Variants in TCF12 observed in about 807,000 individuals in gnomAD.
The protein encoded by TCF12 is DNA-binding protein HTF4.
A neutral mutation model predicts 86.0 loss-of-function variants in TCF12; 45 were observed. That is an observed-to-expected ratio of 0.52 (90% CI 0.41 to 0.67). TCF12 has a LOEUF of 0.67. TCF12 is among the 30% of genes least tolerant of loss of function. The pLI, the probability that TCF12 is intolerant of heterozygous loss-of-function variation, is 0.00. For missense variants in TCF12, 881 were observed against 859.9 expected (o/e 1.02, Z -0.31); for synonymous variants, 330 against 299.6 (o/e 1.10, Z -1.05).
At chr15:57,200,653 A>C (rs2151758206) in intron 8 of TCF12, among the ~76,000 whole-genome samples, 1 of 152,356 alleles carries the variant, frequency 6.6e-6, no homozygotes, top group East Asian at 1.9e-4. Context: ...ACAAAAAATA[A>C]TAGGCAGGGT....
intron 3 of TCF12, among the ~76,000 whole-genome samples, chr15:57,007,071 T>C (rs1392807549): frequency 6.6e-6 from 1 of 152,198 alleles, no homozygotes. Flanking sequence ...ATGAAATGTT[T>C]TAAAGATCTT....
intron 5 of TCF12, chr15:57,118,277 C>G (rs751025773): frequency 2.6e-5 from 4 of 152,168 alleles, no homozygotes; most frequent in Non-Finnish European, 5.9e-5. Flanking sequence ...GGCAGTGATT[C>G]ATTAGGAAAG....
chr15:57,250,656 G>A (rs547485528), intron 13 of TCF12, among the ~76,000 whole-genome samples: 1 of 152,158 alleles, frequency 6.6e-6, no homozygotes, highest in South Asian at 2.1e-4. Flanking sequence ...TTGAACCTGG[G>A]AGGTAGAGGT....
intron 7 of TCF12, among the ~76,000 whole-genome samples, chr15:57,195,846 A>AT (rs1362628021): frequency 6.6e-6 from 1 of 152,018 alleles, no homozygotes; most frequent in African/African-American, 2.4e-5. Context: ...TACAAACGAA[A>AT]TTTTTTTAAT....
At chr15:57,098,048 G>C (rs893583319) in intron 5 of TCF12, among the ~76,000 whole-genome samples, 13 of 141,040 alleles carry the variant, frequency 9.2e-5, no homozygotes, top group African/African-American at 3.5e-4. Flanking sequence ...AGTCAGGCAT[G>C]ATGGCACATG....
At chr15:57,178,101 G>GA (rs2056084583) in intron 6 of TCF12, among the ~76,000 whole-genome samples, 1 of 152,034 alleles carries the variant, frequency 6.6e-6, no homozygotes. Context: ...TCTCAAAACA[G>GA]AAAAAAGAGG....
intron 5 of TCF12, among the ~76,000 whole-genome samples, chr15:57,128,843 G>T (rs2051881027): frequency 6.6e-6 from 1 of 152,148 alleles, no homozygotes; most frequent in Non-Finnish European, 1.5e-5. Flanking sequence ...ATTCATCTGT[G>T]TTATGTTACA....
At chr15:57,269,886 C>T (rs865962473) in intron 18 of TCF12, among the ~76,000 whole-genome samples, 2 of 152,264 alleles carry the variant, frequency 1.3e-5, no homozygotes, top group Admixed American at 6.5e-5. Flanking sequence ...ATATTGGCCC[C>T]GACTCTCTTC....
chr15:57,206,950 G>GA (rs796518373), intron 8 of TCF12, among the ~76,000 whole-genome samples: 17 of 148,216 alleles, frequency 1.1e-4, no homozygotes, highest in South Asian at 2.2e-4. Flanking sequence ...AAAAGAAAAG[G>GA]AAAAAAAAAA....
intron 3 of TCF12, among the ~76,000 whole-genome samples, chr15:56,953,569 G>A (rs1210478912): frequency 2.6e-5 from 4 of 151,804 alleles, no homozygotes; most frequent in African/African-American, 9.7e-5. Flanking sequence ...TTTCATTGGA[G>A]GTTTTAAACT....
intron 5 of TCF12, among the ~76,000 whole-genome samples, chr15:57,158,371 G>A (rs2054271254): frequency 6.6e-6 from 1 of 151,740 alleles, no homozygotes; most frequent in Non-Finnish European, 1.5e-5. Context: ...GTAGAGTTGG[G>A]TTTTTGCCAT....
At chr15:57,207,388 C>T (rs771864278) in intron 8 of TCF12, among the ~76,000 whole-genome samples, 12 of 151,920 alleles carry the variant, frequency 7.9e-5, no homozygotes, top group South Asian at 2.1e-4. Context: ...ATAAATAGGC[C>T]GGGCGCGGTG....
At chr15:57,101,249 A>G (rs764713606) in intron 5 of TCF12, among the ~76,000 whole-genome samples, 4 of 152,082 alleles carry the variant, frequency 2.6e-5, no homozygotes, top group Admixed American at 6.6e-5. Flanking sequence ...TCTGTTGCCC[A>G]GACTGGAGTG....
intron 6 of TCF12, among the ~76,000 whole-genome samples, chr15:57,187,453 G>A (rs2056737533): frequency 6.6e-6 from 1 of 152,150 alleles, no homozygotes; most frequent in Admixed American, 6.5e-5. Context: ...CACATTAGAA[G>A]AATTATTGTC....
Position 57,231,230 on chromosome 15 carries a change from A to G in TCF12, c.658A>G (p.Met220Val), listed in dbSNP as rs1324126925. 1.3e-5 allele frequency: 21 copies of G among 1,612,994 alleles called. No homozygotes were observed. In the East Asian group the frequency reaches 3.1e-4, roughly 24 times the overall value. The change falls in exon 9 of 21, where the codon ATG (methionine) becomes GTG (valine). Residue 220 changes from methionine (M) to valine (V), a missense_variant. Transcript: ENST00000333725. Reference sequence around the variant, plus strand: ...TCCATCTCCTAAGCCACCAACCAGTATGTTCGCTAGCACTTTCTTTATGCA... The same window carrying G: ...TCCATCTCCTAAGCCACCAACCAGTGTGTTCGCTAGCACTTTCTTTATGCA... ...SYPSPKPPTS[M>V]FASTFFMQDG...
intron 5 of TCF12, among the ~76,000 whole-genome samples, chr15:57,149,128 A>G (rs1213595002): frequency 6.6e-6 from 1 of 152,232 alleles, no homozygotes; most frequent in African/African-American, 2.4e-5. Context: ...AAAAGTGTCA[A>G]AATAAATGTA....
chr15:57,122,803 T>C (rs908648539), intron 5 of TCF12, among the ~76,000 whole-genome samples: 1 of 152,234 alleles, frequency 6.6e-6, no homozygotes. Flanking sequence ...TACAAACTGG[T>C]CATAAACTAA....
intron 3 of TCF12, among the ~76,000 whole-genome samples, chr15:57,014,316 C>T (rs2065019851): frequency 6.6e-6 from 1 of 152,136 alleles, no homozygotes; most frequent in African/African-American, 2.4e-5. Flanking sequence ...CCAAAAGCCA[C>T]TCTACAGTGG....
chr15:57,149,775 C>T (rs557702088), intron 5 of TCF12, among the ~76,000 whole-genome samples: 41 of 152,166 alleles, frequency 2.7e-4, no homozygotes, highest in African/African-American at 9.6e-4. Flanking sequence ...TCTAAGCAGT[C>T]TTTGTTTGTT....
Sources: gnomAD v4.1 joint callset for allele counts (sites outside exome capture counted in the v4.1 genomes callset) on GRCh38, gnomAD v4.1.1 for gene constraint, MANE v1.5 for transcripts, NCBI Gene and HGNC (gene_info 2026-07-23, HGNC 2026-07-21) for gene names.